Variants in EVC observed in about 807,000 individuals in gnomAD.
EVC encodes EvC ciliary complex subunit 1.
Under a neutral mutation model 118.9 loss-of-function variants are expected in EVC, and 116 were observed. The observed-to-expected ratio is 0.98, with a 90% CI of 0.84 to 1.14. EVC has a LOEUF of 1.14. Ranked by LOEUF, EVC falls within the 50% of genes most tolerant of loss-of-function variation. The pLI is 0.00. For synonymous variants in EVC, 619 were observed against 534.7 expected (o/e 1.16, Z -2.18); for missense variants, 1,401 against 1,246.4 (o/e 1.12, Z -1.87).
At chr4:5,733,470 G>T (rs891834997) in intron 5 of EVC, 35 bp downstream of exon 5, 2 of 1,555,896 alleles carry the variant, frequency 1.3e-6, no homozygotes, top group South Asian at 1.1e-5. Flanking sequence ...TCCTTTTCAT[G>T]GGGACAGGAG....
chr4:5,749,909 A>G lies in EVC; in HGVS notation c.1098+1603A>G, dbSNP rs553658310. ...CCAGGTGTGATCCACAGACCACAGC[A>G]TCGGCAACACTGGGAGCTGGTTAGA... On this transcript the variant is annotated intron_variant, in intron 8 of 20. Transcript: ENST00000264956. The surrounding 1 kb of genome is among the most constrained non-coding windows in gnomAD (Gnocchi z 4.4). Among the ~76,000 whole-genome samples the G allele has an allele frequency of 2.6e-5, 4 of 152,282 alleles. No homozygotes were observed. The East Asian group carries it at 7.7e-4, about 29-fold the overall frequency.
chr4:5,734,313 C>T (rs1255029803), intron 5 of EVC, among the ~76,000 whole-genome samples: 1 of 152,170 alleles, frequency 6.6e-6, no homozygotes, highest in African/African-American at 2.4e-5. Context: ...GATATGTCTA[C>T]AGGGCACTCT....
At position 5,787,843 on chromosome 4, in the gene EVC, C is replaced by T. The variant is rs554790811; in HGVS notation, c.1776+4079C>T. On this transcript the variant is annotated intron_variant, in intron 12 of 20. Coordinates refer to ENST00000264956, the MANE Select transcript of EVC (RefSeq NM_153717.3). ...CTCCCTCTGGCTCTGCACCCCACTCCGGGTGGTTTTCATCATTTCATCACC... is the reference window on the plus strand; with the variant it reads ...CTCCCTCTGGCTCTGCACCCCACTCTGGGTGGTTTTCATCATTTCATCACC... Among the ~76,000 whole-genome samples the T allele has an allele frequency of 2.0e-5, 3 of 152,220 alleles. 1 individual carries two copies. Among genetic ancestry groups the T allele is most frequent in the South Asian group, 4.2e-4 (2 of 4,818 alleles).
chr4:5,808,513 G>A (rs1184810590), intron 18 of EVC, among the ~76,000 whole-genome samples, 186 bp downstream of exon 18: 2 of 152,212 alleles, frequency 1.3e-5, no homozygotes, highest in African/African-American at 4.8e-5. Context: ...AGCCCCTGGA[G>A]GGCAAGTGTG....
the EVC span, among the ~76,000 whole-genome samples, chr4:5,827,746 C>CACACACACAT: frequency 0.06 from 9,050 of 152,022 alleles, 421 homozygotes; most frequent in African/African-American, 0.11. Context: ...CACACACACA[C>CACACACACAT]ACACACACGA....
rs57482108 is a variant in EVC at position 5,749,341 on chromosome 4, GAAA to G, written c.1098+1052_1098+1054del. ...TAACACTAACGATAGCTGATGAGCG[GAAA>G]AAAAAAAAAAAAAAAAGGTCCCTCC... On this transcript the variant is annotated intron_variant, in intron 8 of 20. Transcript: ENST00000264956. This position sits in a 1 kb window ranked among gnomAD's most constrained non-coding sequence, Gnocchi z 4.4. Among the ~76,000 whole-genome samples the G allele has an allele frequency of 2.5e-5, 3 of 121,864 alleles. No homozygotes were observed. Among genetic ancestry groups the G allele is most frequent in the Non-Finnish European group, 5.0e-5 (3 of 59,642 alleles). 79.9% of individuals were successfully genotyped at this position (121,864 alleles called of 152,430 possible).
At chr4:5,724,358 C>T (rs373479585) in intron 2 of EVC, among the ~76,000 whole-genome samples, 3 of 152,204 alleles carry the variant, frequency 2.0e-5, no homozygotes, top group Non-Finnish European at 2.9e-5. Flanking sequence ...TGGGAGTGCG[C>T]GATGCCTCAG....
the EVC span, among the ~76,000 whole-genome samples, chr4:5,823,121 C>T: frequency 6.6e-6 from 1 of 152,214 alleles, no homozygotes; most frequent in Non-Finnish European, 1.5e-5. Flanking sequence ...CAGTGCTAAT[C>T]ATGCCTTGAA....
intron 12 of EVC, among the ~76,000 whole-genome samples, chr4:5,785,847 T>C (rs1736336462): frequency 6.6e-6 from 1 of 152,240 alleles, no homozygotes; most frequent in Non-Finnish European, 1.5e-5. Context: ...AGCTGAATTC[T>C]TCCTATTCAT....
In EVC at chr4:5,814,202, T is replaced by C. The variant is rs3755847; in HGVS notation, c.*3165T>C. On this transcript the variant is annotated 3_prime_UTR_variant, in exon 21 of 21. Coordinates refer to ENST00000264956, the MANE Select transcript of EVC (RefSeq NM_153717.3). ...TTTTGGTTACCATCCCCACTTATTATGGGCTGTGGGCTGTTATGGTGATGG... is the reference window on the plus strand; with the variant it reads ...TTTTGGTTACCATCCCCACTTATTACGGGCTGTGGGCTGTTATGGTGATGG... The C allele has an allele frequency of 0.12, 18,714 of 152,324 alleles. 1,323 individuals carry two copies. The highest frequency in any genetic ancestry group is 0.16 in the Non-Finnish European group (10,582 of 68,046). The allele number at this position is 152,324 out of a possible 1,614,324, so 9.4% of individuals were successfully genotyped here.
rs189990965 is a variant in EVC at position 5,767,657 on chromosome 4, G to A, written c.1563+11295G>A. Reference sequence around the variant, plus strand: ...CACAGTATGCGGGTGGGAGTGACCCGATTTTCCAGGTGCCATCTGTCACCC... The same window carrying A: ...CACAGTATGCGGGTGGGAGTGACCCAATTTTCCAGGTGCCATCTGTCACCC... On this transcript the variant is annotated intron_variant, in intron 11 of 20. Coordinates refer to ENST00000264956, the MANE Select transcript of EVC (RefSeq NM_153717.3). Among the ~76,000 whole-genome samples the A allele has an allele frequency of 1.8e-3, 278 of 152,124 alleles. 2 individuals carry two copies. Among genetic ancestry groups the A allele is most frequent in the Non-Finnish European group, 2.9e-3 (199 of 67,994 alleles).
At chr4:5,730,713 A>G (rs1726663279) in intron 3 of EVC, among the ~76,000 whole-genome samples, 1 of 151,636 alleles carries the variant, frequency 6.6e-6, no homozygotes, top group Non-Finnish European at 1.5e-5. Context: ...GGAGGAAGGG[A>G]CGCTTCTGCC....
At chr4:5,792,874 G>A (rs553378358) in intron 12 of EVC, among the ~76,000 whole-genome samples, 127 of 152,248 alleles carry the variant, frequency 8.3e-4, no homozygotes, top group Middle Eastern at 3.4e-3. Context: ...TAAGGGAGAC[G>A]TTTATAGAAT....
Position 5,801,671 on chromosome 4 carries a change from C to CAAA in EVC, c.2305-260_2305-258dup, listed in dbSNP as rs35554149. On this transcript the variant is annotated intron_variant, in intron 15 of 20. Transcript: ENST00000264956. The stretch of plus-strand genomic sequence containing the variant: ...TAGGCAACAGAGTGAGTCTCCATCT[C>CAAA]AAAAAAAAAAAAAAAAAAAAAGATG... The CAAA allele has an allele frequency of 3.7e-3, 903 of 247,228 alleles. 1 individual carries two copies. Among genetic ancestry groups the CAAA allele is most frequent in the South Asian group, 7.5e-3 (237 of 31,536 alleles). 15.3% of individuals were successfully genotyped at this position (247,228 alleles called of 1,614,324 possible).
intron 1 of EVC, among the ~76,000 whole-genome samples, chr4:5,714,621 ACT>A (rs1194703037): frequency 3.3e-5 from 5 of 150,770 alleles, no homozygotes; most frequent in South Asian, 2.1e-4. Context: ...CCACCACCAC[ACT>A]CTCAATACGG....
intron 8 of EVC, 185 bp from the exon 9 acceptor site, chr4:5,752,651 C>A: frequency 1.5e-6 from 1 of 689,268 alleles, no homozygotes; most frequent in South Asian, 1.7e-5. Context: ...ACACTTAATC[C>A]CCACCTCGGG....
chr4:5,794,539 TAG>T (rs1226709615), intron 13 of EVC, among the ~76,000 whole-genome samples: 2 of 151,026 alleles, frequency 1.3e-5, no homozygotes, highest in African/African-American at 4.9e-5. Flanking sequence ...GCCTCCCGAG[TAG>T]CTGGGATTAC....
intron 13 of EVC, among the ~76,000 whole-genome samples, chr4:5,794,933 T>C (rs1316329998): frequency 6.6e-6 from 1 of 152,142 alleles, no homozygotes; most frequent in African/African-American, 2.4e-5. Context: ...CCCATCCTTA[T>C]ATCTATAGGT....
the EVC span, among the ~76,000 whole-genome samples, chr4:5,827,643 C>T: frequency 0.011 from 1,600 of 152,140 alleles, 12 homozygotes; most frequent in Non-Finnish European, 0.016. Context: ...CTCCAACACA[C>T]GCACACACAT....
Sources: gnomAD v4.1 joint callset for allele counts (sites outside exome capture counted in the v4.1 genomes callset) on GRCh38, gnomAD v4.1.1 for gene constraint, Gnocchi (gnomAD v3.1) non-coding constraint, MANE v1.5 for transcripts, NCBI Gene and HGNC (gene_info 2026-07-23, HGNC 2026-07-21) for gene names.